Variants in ROBO1 observed in about 807,000 individuals in gnomAD.
The protein encoded by ROBO1 is roundabout homolog 1.
ROBO1 carries 149 observed loss-of-function variants against 195.9 expected under a neutral mutation model. That is an observed-to-expected ratio of 0.76 (90% confidence interval 0.67 to 0.87). The LOEUF (loss-of-function observed/expected upper bound fraction) is 0.87. ROBO1 is among the 40% of genes least tolerant of loss of function. ROBO1 has a pLI of 0.00. For synonymous variants in ROBO1, 816 were observed against 733.2 expected, an observed-to-expected ratio of 1.11 and a Z score of -1.82; for missense variants, 1,933 against 2,068.3, an observed-to-expected ratio of 0.93 and a Z score of 1.27.
rs754922880 is a variant in ROBO1, at chr3:79,494,094, C to T, written c.88+95730G>A. Among the ~76,000 whole-genome samples, 122 of 152,126 alleles carry T rather than the reference C, an allele frequency of 8.0e-4. 3 individuals are homozygous for T. The highest frequency in any genetic ancestry group is 1.9e-4 in the Non-Finnish European group (13 of 68,022). On this transcript the variant is annotated intron_variant, in intron 2 of 30. Coordinates refer to ENST00000464233, the MANE Select transcript of ROBO1 (RefSeq NM_002941.4). Reference sequence around the variant, plus strand: ...CTTATTAGAAATCTCCTGAAGAATGCGTGCCAAGTACTATGAGATGTGGAC... The same window carrying T: ...CTTATTAGAAATCTCCTGAAGAATGTGTGCCAAGTACTATGAGATGTGGAC...
intron 5 of ROBO1, among the ~76,000 whole-genome samples, chr3:78,746,517 T>C (rs952270041): frequency 6.6e-6 from 1 of 152,136 alleles, no homozygotes; most frequent in African/African-American, 2.4e-5. Flanking sequence ...AAACAGGAAT[T>C]ATAGTTTTTC....
chr3:79,626,754 T>C, intron 1 of ROBO1, among the ~76,000 whole-genome samples: 1 of 152,168 alleles, frequency 6.6e-6, no homozygotes, highest in Non-Finnish European at 1.5e-5. Context: ...GAAAATCCTA[T>C]CATCTCAGCC....
intron 2 of ROBO1, among the ~76,000 whole-genome samples, chr3:79,528,334 A>G (rs1214980612): frequency 1.3e-5 from 2 of 152,142 alleles, no homozygotes; most frequent in African/African-American, 4.8e-5. Flanking sequence ...CTGGGTTATC[A>G]TAAAACCCTT....
At chr3:78,682,131 G>T in intron 10 of ROBO1, among the ~76,000 whole-genome samples, 1 of 151,944 alleles carries the variant, frequency 6.6e-6, no homozygotes, top group East Asian at 1.9e-4. Context: ...ATTGTATCTG[G>T]TGGTAAAATA....
intron 2 of ROBO1, among the ~76,000 whole-genome samples, chr3:79,451,559 T>C (rs989204896): frequency 4.6e-5 from 7 of 152,176 alleles, no homozygotes; most frequent in African/African-American, 1.7e-4. Flanking sequence ...CTAGCTATTT[T>C]ACCAGAGAAA....
intron 5 of ROBO1, among the ~76,000 whole-genome samples, chr3:78,736,144 A>G (rs2082386723): frequency 6.6e-6 from 1 of 152,214 alleles, no homozygotes; most frequent in Non-Finnish European, 1.5e-5. Context: ...GGAGAGTAAG[A>G]TAAGAAATAC....
At chr3:78,626,559 T>A (rs1704792700) in intron 26 of ROBO1, among the ~76,000 whole-genome samples, 1 of 152,138 alleles carries the variant, frequency 6.6e-6, no homozygotes. Context: ...GAAAATAATG[T>A]ATACATATAA....
chr3:79,694,818 T>C (rs1204205366), intron 1 of ROBO1, among the ~76,000 whole-genome samples: 1 of 151,676 alleles, frequency 6.6e-6, no homozygotes, highest in African/African-American at 2.4e-5. Flanking sequence ...ATTTTTAGAA[T>C]ACAAAAAATG....
In ROBO1 at chr3:78,703,055, T is replaced by A. The variant is rs375718740; in HGVS notation, c.1045+11342A>T. The stretch of plus-strand genomic sequence containing the variant: ...TTTATATCTGTTTTTTTGAAATAAC[T>A]GAAAGCAACCCCAAATCTTTTTTCG... On this transcript the variant is annotated intron_variant, in intron 8 of 30. Coordinates refer to ENST00000464233, the MANE Select transcript of ROBO1 (RefSeq NM_002941.4). Among the ~76,000 whole-genome samples, 9 of 152,316 alleles carry A rather than the reference T, an allele frequency of 5.9e-5. No homozygotes were observed. The East Asian group carries it at 1.2e-3, about 20-fold the overall frequency.
In ROBO1 at chr3:79,548,405, ATTGT is replaced by A. The variant is rs983690126; in HGVS notation, c.88+41415_88+41418del. On this transcript the variant is annotated intron_variant, in intron 2 of 30. Coordinates refer to ENST00000464233, the MANE Select transcript of ROBO1 (RefSeq NM_002941.4). ...ACCCATGCTAGAGAATGCATAAATA[ATTGT>A]TTGTGAAGAGAAATCTACCAACATG... 2.6e-5 allele frequency among the ~76,000 whole-genome samples: 4 copies of A among 152,210 alleles called. No homozygotes were observed. In the East Asian group the frequency reaches 7.7e-4, roughly 29 times the overall value.
intron 4 of ROBO1, among the ~76,000 whole-genome samples, chr3:78,920,626 T>TG: frequency 8.3e-6 from 1 of 120,392 alleles, no homozygotes; most frequent in Non-Finnish European, 1.7e-5. Context: ...TTCTTTCAGT[T>TG]TTTTTTTTTT....
rs1322604006 is a variant in ROBO1, at chr3:78,901,776, GAT to G, written c.499+36823_499+36824del. On this transcript the variant is annotated intron_variant, in intron 4 of 30. Coordinates refer to ENST00000464233, the MANE Select transcript of ROBO1 (RefSeq NM_002941.4). Reference sequence around the variant, plus strand: ...GACAGAACACAGTATTCCATAGGTAGATTAGACCCCATCAAATGTCTATACTA... The same window carrying G: ...GACAGAACACAGTATTCCATAGGTAGTAGACCCCATCAAATGTCTATACTA... Among the ~76,000 whole-genome samples the G allele has an allele frequency of 2.0e-5, 3 of 152,248 alleles. No homozygotes were observed. In the East Asian group the frequency reaches 5.8e-4, roughly 29 times the overall value.
At chr3:79,663,566 G>T (rs2106846079) in intron 1 of ROBO1, among the ~76,000 whole-genome samples, 1 of 152,060 alleles carries the variant, frequency 6.6e-6, no homozygotes, top group Middle Eastern at 3.4e-3. Flanking sequence ...TGCCCAGGCT[G>T]GTCTCTCCTG....
At chr3:78,772,727 CAGAT>C (rs1207408016) in intron 4 of ROBO1, among the ~76,000 whole-genome samples, 1 of 152,016 alleles carries the variant, frequency 6.6e-6, no homozygotes, top group East Asian at 1.9e-4. Flanking sequence ...GGCCTCTACT[CAGAT>C]AGGTAAAAAC....
At chr3:78,814,919 A>C (rs2084853755) in intron 4 of ROBO1, among the ~76,000 whole-genome samples, 1 of 151,982 alleles carries the variant, frequency 6.6e-6, no homozygotes, top group Non-Finnish European at 1.5e-5. Context: ...CATTTTGGTA[A>C]TTTTTGCAAT....
chr3:79,564,731 A>G (rs1943038340), intron 2 of ROBO1, among the ~76,000 whole-genome samples: 1 of 152,098 alleles, frequency 6.6e-6, no homozygotes. Flanking sequence ...ACAACTAAAA[A>G]TATATTGTCA....
At chr3:78,940,706 T>C (rs1160693693) in intron 3 of ROBO1, among the ~76,000 whole-genome samples, 2 of 152,232 alleles carry the variant, frequency 1.3e-5, no homozygotes, top group Non-Finnish European at 2.9e-5. Context: ...CAGCTACCCT[T>C]GGTAAGAATG....
intron 2 of ROBO1, among the ~76,000 whole-genome samples, chr3:79,164,296 T>C (rs567624209): frequency 2.0e-5 from 3 of 152,294 alleles, no homozygotes; most frequent in South Asian, 4.1e-4. Flanking sequence ...AGAGTACTAA[T>C]ATGTGGTTTC....
intron 2 of ROBO1, among the ~76,000 whole-genome samples, chr3:79,545,809 C>G (rs977504802): frequency 2.0e-5 from 3 of 152,058 alleles, no homozygotes; most frequent in Non-Finnish European, 4.4e-5. Flanking sequence ...AAAGCAGAGT[C>G]TGGTAATAAA....
Sources: gnomAD v4.1 joint callset for allele counts (sites outside exome capture counted in the v4.1 genomes callset) on GRCh38, gnomAD v4.1.1 for gene constraint, MANE v1.5 for transcripts, NCBI Gene and HGNC (gene_info 2026-07-23, HGNC 2026-07-21) for gene names.